Variants in STK33 observed in about 807,000 individuals in gnomAD.
STK33 encodes serine/threonine kinase 33.
Under a neutral mutation model 58.0 loss-of-function variants are expected in STK33, and 52 were observed. The observed-to-expected ratio is 0.90, with a 90% CI of 0.72 to 1.13. STK33 has a LOEUF of 1.13. Among genes scored for constraint, STK33 ranks in the 50% most tolerant of loss-of-function variants. The pLI, the probability that STK33 is intolerant of heterozygous loss-of-function variation, is 0.00. For missense variants in STK33, 630 were observed against 604.2 expected (o/e 1.04, Z -0.45); for synonymous variants, 215 against 200.1 (o/e 1.07, Z -0.63).
intron 1 of STK33, among the ~76,000 whole-genome samples, chr11:8,559,987 G>T: frequency 6.6e-6 from 1 of 150,758 alleles, no homozygotes; most frequent in African/African-American, 2.4e-5. Flanking sequence ...TTGTTTTAAT[G>T]GCTATATAAT....
At chr11:8,375,997 A>C in the STK33 span, among the ~76,000 whole-genome samples, 1 of 152,190 alleles carries the variant, frequency 6.6e-6, no homozygotes, top group Admixed American at 6.5e-5. Flanking sequence ...ATACAGGCTA[A>C]TCTCCAGGCA....
the STK33 span, among the ~76,000 whole-genome samples, chr11:8,374,011 C>T: frequency 6.6e-6 from 1 of 152,218 alleles, no homozygotes; most frequent in Non-Finnish European, 1.5e-5. Context: ...TACTGATACC[C>T]AATTATGTAA....
chr11:8,482,128 G>A (rs1268088911), intron 1 of STK33, among the ~76,000 whole-genome samples: 1 of 152,134 alleles, frequency 6.6e-6, no homozygotes, highest in Non-Finnish European at 1.5e-5. Context: ...TGATCCCAGT[G>A]ATGAGCCAGT....
At chr11:8,462,442 TACACACACACAC>T (rs10635095) in intron 7 of STK33, among the ~76,000 whole-genome samples, 9 of 128,328 alleles carry the variant, frequency 7.0e-5, no homozygotes, top group African/African-American at 2.2e-4. Flanking sequence ...TATACATATA[TACACACACACAC>T]ACACACACAC....
chr11:8,493,597 T>A (rs1046888271), intron 1 of STK33, among the ~76,000 whole-genome samples: 7 of 152,196 alleles, frequency 4.6e-5, no homozygotes, highest in Admixed American at 2.0e-4. Flanking sequence ...ACTCATTTTA[T>A]GAGGCCAGCA....
chr11:8,582,765 T>A (rs2141374381), intron 1 of STK33, among the ~76,000 whole-genome samples: 1 of 152,378 alleles, frequency 6.6e-6, no homozygotes, highest in Middle Eastern at 3.4e-3. Context: ...TTTAAAATTT[T>A]CATCCATATC....
Position 8,413,565 on chromosome 11 carries a change from A to G in STK33, c.1274T>C (p.Leu425Ser). ...ATTTCCCCAGGGTTGGTAACTTTTC[A>G]ACTTTTCTTCAGTGGACGGCTTATT... The part of the protein sequence containing the change: ...EKNKPSTEEK[L>S]KSYQPWGNVP... Residue 425 changes from leucine (L) to serine (S), a missense_variant, in exon 15 of 16, where the codon TTG (leucine) becomes TCG (serine). Coordinates refer to ENST00000687296, the MANE Select transcript of STK33 (RefSeq NM_001352389.2). 2 of 1,614,052 alleles carry G rather than the reference A, an allele frequency of 1.2e-6. No individual in the cohort carries two copies. Among genetic ancestry groups the G allele is most frequent in the Non-Finnish European group, 1.7e-6 (2 of 1,179,972 alleles).
intron 1 of STK33, among the ~76,000 whole-genome samples, chr11:8,490,944 C>T (rs1950564709): frequency 6.6e-6 from 1 of 152,186 alleles, no homozygotes; most frequent in Non-Finnish European, 1.5e-5. Flanking sequence ...AGGTCACCAA[C>T]ATCAAAGACC....
intron 14 of STK33, 63 bp from the exon 15 acceptor site, chr11:8,413,755 T>C: frequency 2.8e-6 from 4 of 1,418,484 alleles, no homozygotes; most frequent in Non-Finnish European, 3.9e-6. Flanking sequence ...GATACCTACA[T>C]CATTTAGCGA....
chr11:8,364,192 A>G, the STK33 span, among the ~76,000 whole-genome samples: 5 of 152,204 alleles, frequency 3.3e-5, no homozygotes, highest in Non-Finnish European at 7.3e-5. Flanking sequence ...TCTGCTGCAC[A>G]TGTGGAGCCA....
intron 1 of STK33, among the ~76,000 whole-genome samples, chr11:8,524,480 C>G (rs895135259): frequency 2.6e-5 from 4 of 151,976 alleles, no homozygotes; most frequent in Admixed American, 2.6e-4. Context: ...AGGCTTTTAT[C>G]AAAAGAAGAC....
In STK33 at chr11:8,475,010, C is replaced by T. The variant is rs2289922; in HGVS notation, c.-105G>A. The T allele has an allele frequency of 5.8e-4, 620 of 1,076,816 alleles. 8 individuals carry two copies. In the East Asian group the frequency reaches 0.014, roughly 24 times the overall value. 66.7% of individuals were successfully genotyped at this position (1,076,816 alleles called of 1,614,324 possible). ...TAGTTGATGGTGAAAACTGTAATTT[C>T]GAACTGGTGAAGTCCTCAGGTTAAG... is the stretch of plus-strand genomic sequence containing the variant. On this transcript the variant is annotated 5_prime_UTR_variant, in exon 5 of 16. Coordinates refer to ENST00000687296, the MANE Select transcript of STK33 (RefSeq NM_001352389.2).
chr11:8,371,645 TTTC>T, the STK33 span, among the ~76,000 whole-genome samples: 2 of 149,466 alleles, frequency 1.3e-5, no homozygotes, highest in Non-Finnish European at 3.0e-5. Flanking sequence ...TCTTTCTTCC[TTTC>T]TTTTCTTTTC....
At chr11:8,486,311 T>C (rs1950191940) in intron 1 of STK33, among the ~76,000 whole-genome samples, 1 of 152,190 alleles carries the variant, frequency 6.6e-6, no homozygotes. Flanking sequence ...GCTTAACTCA[T>C]ACTACTTCCT....
the STK33 span, among the ~76,000 whole-genome samples, chr11:8,335,155 C>T: frequency 6.6e-6 from 1 of 152,206 alleles, no homozygotes; most frequent in Non-Finnish European, 1.5e-5. Context: ...CGCAGAGAGG[C>T]CAGAAGTGCC....
At chr11:8,578,408 T>C (rs1372311085) in intron 1 of STK33, among the ~76,000 whole-genome samples, 1 of 152,044 alleles carries the variant, frequency 6.6e-6, no homozygotes, top group Non-Finnish European at 1.5e-5. Context: ...ATCCATTCAG[T>C]GGAATACTAT....
rs186668404 is a variant in STK33 at position 8,471,784 on chromosome 11, T to G, written c.339+1379A>C. ...AAATAAAATAAAACTAGTACATGCATAGAAAAAGTGAAGTTAATAATTTTT... is the reference window on the plus strand; with the variant it reads ...AAATAAAATAAAACTAGTACATGCAGAGAAAAAGTGAAGTTAATAATTTTT... On this transcript the variant is annotated intron_variant, in intron 6 of 15. Transcript: ENST00000687296. 2.7e-3 allele frequency among the ~76,000 whole-genome samples: 411 copies of G among 152,246 alleles called. 8 individuals carry two copies. Among genetic ancestry groups the G allele is most frequent in the Admixed American group, 0.023 (358 of 15,274 alleles).
intron 1 of STK33, among the ~76,000 whole-genome samples, chr11:8,578,380 TTAAG>T (rs952053810): frequency 2.0e-5 from 3 of 152,002 alleles, no homozygotes; most frequent in Non-Finnish European, 4.4e-5. Context: ...AGGGAACTAT[TTAAG>T]TAAGTTGTGG....
At chr11:8,431,769 A>C (rs566515990) in intron 14 of STK33, among the ~76,000 whole-genome samples, 4 of 152,340 alleles carry the variant, frequency 2.6e-5, no homozygotes, top group African/African-American at 9.6e-5. Context: ...AATGAAGTTA[A>C]AATTGTAACC....
Sources: gnomAD v4.1 joint callset for allele counts (sites outside exome capture counted in the v4.1 genomes callset) on GRCh38, gnomAD v4.1.1 for gene constraint, MANE v1.5 for transcripts, NCBI Gene and HGNC (gene_info 2026-07-23, HGNC 2026-07-21) for gene names.